CDH13: variants seen among roughly 807,000 people sequenced by gnomAD.
CDH13 encodes the protein cadherin 13, also known as cadherin-13.
A neutral mutation model predicts 63.8 loss-of-function variants in CDH13; 24 were observed. That is an observed-to-expected ratio of 0.38 (90% confidence interval 0.27 to 0.53). The LOEUF is 0.53. Ranked by LOEUF, CDH13 falls within the 20% of genes least tolerant of loss-of-function variation. The pLI is 0.85. For missense variants in CDH13, 1,049 were observed against 903.1 expected (o/e 1.16, Z -2.07); for synonymous variants, 503 against 355.3 (o/e 1.42, Z -4.67).
rs952956131 is a variant in CDH13 at position 83,760,777 on chromosome 16, C to A, written c.1681+12527C>A. Among the ~76,000 whole-genome samples the A allele has an allele frequency of 2.6e-5, 4 of 152,088 alleles. No homozygotes were observed. The East Asian group carries it at 7.7e-4, about 29-fold the overall frequency. On this transcript the variant is annotated intron_variant, in intron 11 of 13. Transcript: ENST00000567109. ...AAGATTTCTATGTTTCAATAAGAAC[C>A]TAACAAAAAATGCATGGCTGCAGAG...
At chr16:83,278,021 TA>T (rs1466091492) in intron 5 of CDH13, among the ~76,000 whole-genome samples, 1 of 152,194 alleles carries the variant, frequency 6.6e-6, no homozygotes, top group African/African-American at 2.4e-5. Context: ...TTTCTATTGA[TA>T]AAAGGTCTCA....
At chr16:83,427,789 C>G (rs1021857662) in intron 6 of CDH13, among the ~76,000 whole-genome samples, 4 of 152,232 alleles carry the variant, frequency 2.6e-5, no homozygotes, top group Non-Finnish European at 1.5e-5. Flanking sequence ...GAACCAACCA[C>G]AGAGTTGACA....
intron 6 of CDH13, among the ~76,000 whole-genome samples, chr16:83,427,636 A>C (rs1246667095): frequency 6.6e-6 from 1 of 152,134 alleles, no homozygotes; most frequent in Non-Finnish European, 1.5e-5. Context: ...GCACCACTAG[A>C]TAACACAGCA....
At chr16:82,933,878 A>G (rs2042581437) in intron 2 of CDH13, among the ~76,000 whole-genome samples, 1 of 152,222 alleles carries the variant, frequency 6.6e-6, no homozygotes, top group South Asian at 2.1e-4. Flanking sequence ...TGATGCAGGA[A>G]GTGTGTTCCC....
chr16:83,307,881 C>A (rs1597714277), intron 5 of CDH13, among the ~76,000 whole-genome samples: 1 of 152,140 alleles, frequency 6.6e-6, no homozygotes, highest in South Asian at 2.1e-4. Flanking sequence ...AATATGGCAG[C>A]ACTTCCATGC....
intron 2 of CDH13, among the ~76,000 whole-genome samples, chr16:82,989,644 C>T (rs1911406170): frequency 6.6e-6 from 1 of 152,180 alleles, no homozygotes; most frequent in African/African-American, 2.4e-5. Flanking sequence ...TCGATTAGTG[C>T]AGAGGATGAA....
rs757730151 is a variant in CDH13, at chr16:82,644,885, G to A, written c.45+17748G>A. 2.0e-5 allele frequency among the ~76,000 whole-genome samples: 3 copies of A among 152,182 alleles called. No individual in the cohort carries two copies. Among genetic ancestry groups the A allele is most frequent in the Non-Finnish European group, 4.4e-5 (3 of 68,032 alleles). ...TGAAGAGATACTGGTTCCATGGGAG[G>A]TTAATATGGGTTCTGGGGAAAAAAA... On this transcript the variant is annotated intron_variant, in intron 1 of 13. Coordinates refer to ENST00000567109, the MANE Select transcript of CDH13 (RefSeq NM_001257.5). This position sits in a 1 kb window ranked among gnomAD's most constrained non-coding sequence, Gnocchi z 5.7.
intron 2 of CDH13, among the ~76,000 whole-genome samples, chr16:82,904,815 G>A (rs899161220): frequency 6.6e-6 from 1 of 152,192 alleles, no homozygotes; most frequent in African/African-American, 2.4e-5. Context: ...ATTACTCCAT[G>A]TGGGCCACCG....
chr16:82,773,877 G>A lies in CDH13; in HGVS notation c.46-84485G>A, dbSNP rs529840540. ...CAGCTCACTGCAACCTCCGCCTCCC[G>A]GGTTCAAGCAATTCTCCTGCTTCAG... On this transcript the variant is annotated intron_variant, in intron 1 of 13. Transcript: ENST00000567109. Among the ~76,000 whole-genome samples, 9 of 151,640 alleles carry A rather than the reference G, an allele frequency of 5.9e-5. No individual in the cohort carries two copies. The South Asian group carries it at 6.3e-4, about 11-fold the overall frequency.
intron 2 of CDH13, among the ~76,000 whole-genome samples, chr16:82,940,220 T>C (rs1164590839): frequency 1.3e-5 from 2 of 152,150 alleles, no homozygotes; most frequent in Non-Finnish European, 2.9e-5. Flanking sequence ...GCCTGAAATA[T>C]GGAGAGGAAG....
At chr16:83,553,353 A>G (rs2075543896) in intron 7 of CDH13, among the ~76,000 whole-genome samples, 1 of 152,214 alleles carries the variant, frequency 6.6e-6, no homozygotes. Flanking sequence ...AAAAGTTATA[A>G]AATTCACATC....
intron 9 of CDH13, 68 bp downstream of exon 9, chr16:83,671,040 G>T: frequency 1.5e-6 from 2 of 1,343,870 alleles, no homozygotes. Flanking sequence ...GCAGCTCATA[G>T]AATCATTGAG....
intron 2 of CDH13, among the ~76,000 whole-genome samples, chr16:82,913,946 A>C (rs193105513): frequency 4.4e-4 from 67 of 152,212 alleles, no homozygotes; most frequent in Admixed American, 1.9e-3. Flanking sequence ...GAGAGGCAGG[A>C]GATGTAGACA....
chr16:83,027,108 C>CT (rs1473533199), intron 2 of CDH13, among the ~76,000 whole-genome samples: 4 of 143,892 alleles, frequency 2.8e-5, no homozygotes, highest in Non-Finnish European at 4.6e-5. Flanking sequence ...GGAGACCCCC[C>CT]CCCCCCACCG....
intron 7 of CDH13, among the ~76,000 whole-genome samples, chr16:83,541,247 G>C (rs2075290869): frequency 6.6e-6 from 1 of 152,122 alleles, no homozygotes; most frequent in African/African-American, 2.4e-5. Flanking sequence ...TCCTTAGAAA[G>C]GTTTTAACAT....
At chr16:82,941,059 G>C (rs1467438240) in intron 2 of CDH13, among the ~76,000 whole-genome samples, 1 of 152,068 alleles carries the variant, frequency 6.6e-6, no homozygotes, top group African/African-American at 2.4e-5. Flanking sequence ...GCAAACGATA[G>C]GAAAATGGTC....
intron 11 of CDH13, among the ~76,000 whole-genome samples, chr16:83,771,352 T>C (rs140014995): frequency 2.1e-4 from 32 of 152,278 alleles, no homozygotes; most frequent in African/African-American, 7.5e-4. Flanking sequence ...CTTGAAGAAA[T>C]ACAAGGTTAA....
chr16:83,761,905 A>G (rs1047222825), intron 11 of CDH13, among the ~76,000 whole-genome samples: 7 of 151,980 alleles, frequency 4.6e-5, no homozygotes, highest in Non-Finnish European at 7.4e-5. Flanking sequence ...CTTCTCTACT[A>G]AAAATACAAA....
chr16:82,792,578 C>G (rs9926507), intron 1 of CDH13, among the ~76,000 whole-genome samples: 2 of 152,130 alleles, frequency 1.3e-5, no homozygotes, highest in Non-Finnish European at 2.9e-5. Flanking sequence ...ATAAGGCCCC[C>G]TAGATAGAAG....
Sources: allele counts gnomAD v4.1 joint callset (sites outside exome capture counted in the v4.1 genomes callset), GRCh38; gene constraint gnomAD v4.1.1; non-coding constraint Gnocchi (gnomAD v3.1); transcripts MANE v1.5; gene names NCBI Gene and HGNC (gene_info 2026-07-23, HGNC 2026-07-21).